The following PDE11A variants were observed in gnomAD, a reference collection of about 807,000 sequenced individuals.
The protein encoded by PDE11A is dual 3',5'-cyclic-AMP and -GMP phosphodiesterase 11A.
In PDE11A, 100 loss-of-function variants were observed where a neutral mutation model predicts 100.5. That is an observed-to-expected ratio of 1.00 (90% CI 0.85 to 1.18). The LOEUF (loss-of-function observed/expected upper bound fraction) is 1.18, where lower values mean the gene tolerates loss of function less well. PDE11A is among the 50% of genes most tolerant of loss of function. The probability of loss-of-function intolerance (pLI) is 0.00; values close to 1 mark genes in which losing one functional copy is unlikely to be tolerated. For synonymous variants in PDE11A, 381 were observed against 420.8 expected (o/e 0.91, Z 1.16); for missense variants, 1,141 against 1,152.6 (o/e 0.99, Z 0.15).
chr2:177,846,426 T>G (rs1015803786), intron 5 of PDE11A, among the ~76,000 whole-genome samples: 1 of 152,204 alleles, frequency 6.6e-6, no homozygotes, highest in Non-Finnish European at 1.5e-5. Flanking sequence ...TGATGTGGTG[T>G]TGTGAGTTTA....
At chr2:178,102,952 G>C (rs942454703) in intron 2 of PDE11A, among the ~76,000 whole-genome samples, 3 of 149,284 alleles carry the variant, frequency 2.0e-5, no homozygotes, top group African/African-American at 7.7e-5. Context: ...TGAGAAAATG[G>C]TCATGTAAAG....
intron 2 of PDE11A, among the ~76,000 whole-genome samples, chr2:177,911,852 C>G (rs2084885708): frequency 6.6e-6 from 1 of 151,080 alleles, no homozygotes; most frequent in African/African-American, 2.4e-5. Context: ...CCACTGCACT[C>G]CAGCCTGGGT....
At chr2:178,069,759 C>A (rs570444030) in intron 1 of PDE11A, among the ~76,000 whole-genome samples, 1 of 152,228 alleles carries the variant, frequency 6.6e-6, no homozygotes, top group East Asian at 1.9e-4. Context: ...AGCAGCAAGA[C>A]AAGTTAACTG....
intron 5 of PDE11A, among the ~76,000 whole-genome samples, chr2:177,853,730 G>GTATA (rs1553482776): frequency 1.1e-5 from 1 of 88,578 alleles, no homozygotes; most frequent in South Asian, 3.9e-4. Flanking sequence ...GTGTGTGTGT[G>GTATA]TATATCTATA....
chr2:177,958,241 A>G (rs1411528207), intron 2 of PDE11A, among the ~76,000 whole-genome samples: 1 of 152,146 alleles, frequency 6.6e-6, no homozygotes, highest in Non-Finnish European at 1.5e-5. Flanking sequence ...AAAGTATTGC[A>G]GCATGTTTTT....
chr2:178,084,785 T>C (rs2087328792), intron 2 of PDE11A, among the ~76,000 whole-genome samples: 1 of 152,054 alleles, frequency 6.6e-6, no homozygotes, highest in South Asian at 2.1e-4. Context: ...ACTACCCTCT[T>C]CCCTCTAAAA....
chr2:177,837,933 T>C (rs1020000172), intron 6 of PDE11A, among the ~76,000 whole-genome samples: 19 of 152,236 alleles, frequency 1.2e-4, no homozygotes, highest in African/African-American at 4.3e-4. Context: ...CAAGTATGTT[T>C]AAAGGACCTT....
At chr2:177,968,814 T>A (rs552763837) in intron 2 of PDE11A, among the ~76,000 whole-genome samples, 2 of 152,298 alleles carry the variant, frequency 1.3e-5, no homozygotes, top group East Asian at 3.9e-4. Context: ...TTGTACACTG[T>A]TGGTGGGAGG....
At chr2:177,640,614 G>A (rs11893349) in intron 19 of PDE11A, among the ~76,000 whole-genome samples, 5,307 of 152,288 alleles carry the variant, frequency 0.035, 319 homozygotes, top group African/African-American at 0.12. Flanking sequence ...ATCCCTCTTA[G>A]GTCCAAAGGT....
upstream of PDE11A, among the ~76,000 whole-genome samples, chr2:178,076,634 T>G (rs1439925257): frequency 6.6e-6 from 1 of 152,202 alleles, no homozygotes; most frequent in African/African-American, 2.4e-5. Context: ...TCCTAATTAT[T>G]CGTCTCCTAA....
chr2:177,693,046 A>C (rs2081063519), intron 15 of PDE11A, among the ~76,000 whole-genome samples: 1 of 152,126 alleles, frequency 6.6e-6, no homozygotes, highest in African/African-American at 2.4e-5. Flanking sequence ...TGGTTTCTTC[A>C]ACTGTATCAT....
chr2:177,911,441 T>C (rs891279803), intron 2 of PDE11A, among the ~76,000 whole-genome samples: 1 of 152,212 alleles, frequency 6.6e-6, no homozygotes, highest in Non-Finnish European at 1.5e-5. Flanking sequence ...GGAGCTTTTA[T>C]TTTAAGAATC....
chr2:177,968,069 C>T (rs961210936), intron 2 of PDE11A, among the ~76,000 whole-genome samples: 1 of 152,202 alleles, frequency 6.6e-6, no homozygotes, highest in Non-Finnish European at 1.5e-5. Flanking sequence ...CACTTTCTCA[C>T]ACCCTCTCAG....
chr2:177,756,754 C>G (rs1400033308), intron 10 of PDE11A, among the ~76,000 whole-genome samples: 1 of 152,190 alleles, frequency 6.6e-6, no homozygotes, highest in Non-Finnish European at 1.5e-5. Flanking sequence ...CAAACATGTC[C>G]CTTGAAGTTG....
intron 6 of PDE11A, among the ~76,000 whole-genome samples, chr2:177,836,888 T>C (rs1338137481): frequency 6.6e-6 from 1 of 151,686 alleles, no homozygotes; most frequent in Non-Finnish European, 1.5e-5. Context: ...AGGAAGAAAC[T>C]CCAAACACAT....
intron 4 of PDE11A, among the ~76,000 whole-genome samples, chr2:177,895,998 G>A (rs1256209589): frequency 6.6e-6 from 1 of 152,038 alleles, no homozygotes; most frequent in Non-Finnish European, 1.5e-5. Context: ...ATATTTTATG[G>A]AGTTTGGTTT....
At chr2:177,899,637 A>AATATATATATATATATATATATAT (rs3037901) in intron 3 of PDE11A, 31 of 203,190 alleles carry the variant, frequency 1.5e-4, no homozygotes, top group African/African-American at 7.4e-4. Flanking sequence ...CAGATTCTTA[A>AATATATATATATATATATATATAT]ATATATATAT....
chr2:177,643,444 G>A (rs2080175589), intron 19 of PDE11A, among the ~76,000 whole-genome samples: 1 of 152,128 alleles, frequency 6.6e-6, no homozygotes, highest in African/African-American at 2.4e-5. Context: ...GAGATTTGTG[G>A]AACTTTGAAC....
At chr2:177,852,797 A>T (rs1041566235) in intron 5 of PDE11A, among the ~76,000 whole-genome samples, 1 of 152,182 alleles carries the variant, frequency 6.6e-6, no homozygotes, top group Non-Finnish European at 1.5e-5. Flanking sequence ...GGAAAAGAAG[A>T]TTCTCTAAGT....
Sources: allele counts gnomAD v4.1 joint callset (sites outside exome capture counted in the v4.1 genomes callset), GRCh38; gene constraint gnomAD v4.1.1; transcripts MANE v1.5; gene names NCBI Gene and HGNC (gene_info 2026-07-23, HGNC 2026-07-21).